Variants in DNAH2 observed in about 807,000 individuals in gnomAD.
DNAH2 encodes the protein axonemal beta dynein heavy chain 2.
A neutral mutation model predicts 523.5 loss-of-function variants in DNAH2; 323 were observed. The observed-to-expected ratio is 0.62, with a 90% CI of 0.56 to 0.68. The LOEUF (loss-of-function observed/expected upper bound fraction) is 0.68. Ranked by LOEUF, DNAH2 falls within the 30% of genes least tolerant of loss-of-function variation. The pLI, the probability that DNAH2 is intolerant of heterozygous loss-of-function variation, is 0.00. For missense variants in DNAH2, 4,907 were observed against 5,701.5 expected, an observed-to-expected ratio of 0.86 and a Z score of 4.49; for synonymous variants, 2,093 against 2,177.4, an observed-to-expected ratio of 0.96 and a Z score of 1.08.
chr17:7,819,576 G>A (rs1205089743), intron 72 of DNAH2, among the ~76,000 whole-genome samples, 168 bp downstream of exon 72: 1 of 152,242 alleles, frequency 6.6e-6, no homozygotes, highest in Non-Finnish European at 1.5e-5. Context: ...TCACCTGTGG[G>A]CTGATGATTC....
rs1567711198 is a variant in DNAH2 at position 7,794,285 on chromosome 17, CT to C, written c.7602del (p.Gly2536ValfsTer19). The C allele has an allele frequency of 3.1e-6, 5 of 1,609,902 alleles. No individual in the cohort carries two copies. The highest frequency in any genetic ancestry group is 2.3e-5 in the East Asian group (1 of 44,266). The part of the protein sequence containing the change: ...EMFLMAAMGP[P>X]GGGRTVISPR... ...TTCCTGATGGCTGCCATGGGCCCCC[CT>C]GGGGGTGGACGGACTGTCATCTCCC... On this transcript the variant is annotated frameshift_variant, in exon 49 of 86. Transcript: ENST00000572933. LOFTEE classifies it high-confidence loss of function.
intron 22 of DNAH2, 25 bp downstream of exon 22, chr17:7,766,506 T>C (rs187505829): frequency 1.2e-6 from 2 of 1,610,572 alleles, no homozygotes; most frequent in East Asian, 4.5e-5. Flanking sequence ...AAGGACCCTG[T>C]GGTCACTGTC....
chr17:7,765,710 A>C (rs1419601742), intron 21 of DNAH2, 145 bp downstream of exon 21: 1 of 855,790 alleles, frequency 1.2e-6, no homozygotes, highest in Non-Finnish European at 1.8e-6. Context: ...TCAGGAGCAA[A>C]GGAGGAGGAC....
chr17:7,757,358 C>CAAA (rs200641531), intron 13 of DNAH2, 121 bp downstream of exon 13: 187 of 1,039,394 alleles, frequency 1.8e-4, no homozygotes, highest in African/African-American at 1.1e-3. Context: ...TTTTCCATCT[C>CAAA]AAAAAAAAAA....
At chr17:7,771,176 C>A (rs2076304117) in intron 27 of DNAH2, among the ~76,000 whole-genome samples, 154 bp from the exon 28 acceptor site, 1 of 152,130 alleles carries the variant, frequency 6.6e-6, no homozygotes, top group South Asian at 2.1e-4. Flanking sequence ...GGCCCCCTAC[C>A]TCCAGCTTTC....
intron 2 of DNAH2, among the ~76,000 whole-genome samples, chr17:7,722,868 G>C (rs571567535): frequency 7.2e-5 from 11 of 151,964 alleles, no homozygotes; most frequent in African/African-American, 2.7e-4. Context: ...CTCTCTTTGA[G>C]TCCTTGCTTT....
At chr17:7,818,490 T>G in intron 69 of DNAH2, 30 bp downstream of exon 69, 2 of 1,612,254 alleles carry the variant, frequency 1.2e-6, no homozygotes, top group Non-Finnish European at 1.7e-6. Flanking sequence ...CAGACTGAGC[T>G]AGGGTGAAGC....
At chr17:7,805,228 T>C in intron 60 of DNAH2, 24 bp from the exon 61 acceptor site, 2 of 1,613,428 alleles carry the variant, frequency 1.2e-6, no homozygotes, top group Admixed American at 3.3e-5. Flanking sequence ...TGTCTTACCC[T>C]CACTTTATCC....
chr17:7,789,012 A>G (rs2076822279), intron 44 of DNAH2, among the ~76,000 whole-genome samples: 2 of 152,160 alleles, frequency 1.3e-5, no homozygotes. Context: ...TAAAAATACA[A>G]AATTAGCCAG....
chr17:7,815,610 A>G (rs2077640700), intron 63 of DNAH2, among the ~76,000 whole-genome samples: 1 of 151,394 alleles, frequency 6.6e-6, no homozygotes, highest in Non-Finnish European at 1.5e-5. Context: ...ACATACACAT[A>G]CAGGATCACA....
At position 7,780,539 on chromosome 17, in the gene DNAH2, G is replaced by A. The variant is rs142115772; in HGVS notation, c.5851-91G>A. ...TGCCTCCTAGCTGCTTCATGTCCTG[G>A]GACCTGGCTTCTTGTCTCTGACTGT... On this transcript the variant is annotated intron_variant, in intron 37 of 85. Coordinates refer to ENST00000572933, the MANE Select transcript of DNAH2 (RefSeq NM_020877.5). This position sits in a 1 kb window ranked among gnomAD's most constrained non-coding sequence, Gnocchi z 4.4. The A allele has an allele frequency of 2.5e-4, 386 of 1,559,390 alleles. No homozygotes were observed. In the African/African-American group the frequency reaches 4.2e-3, roughly 17 times the overall value.
chr17:7,756,420 C>T (rs2075839835), intron 12 of DNAH2, among the ~76,000 whole-genome samples: 1 of 151,664 alleles, frequency 6.6e-6, no homozygotes, highest in Non-Finnish European at 1.5e-5. Context: ...GGACTATAGG[C>T]TCACACTACC....
At position 7,788,976 on chromosome 17, in the gene DNAH2, C is replaced by T. The variant is rs901225342; in HGVS notation, c.6900+732C>T. ...GGTCAGGAGTTCGAGACCAGCCTGGCCAACATGGTGAAACCCTGTCTCTAC... is the reference window on the plus strand; with the variant it reads ...GGTCAGGAGTTCGAGACCAGCCTGGTCAACATGGTGAAACCCTGTCTCTAC... On this transcript the variant is annotated intron_variant, in intron 44 of 85. Coordinates refer to ENST00000572933, the MANE Select transcript of DNAH2 (RefSeq NM_020877.5). 9.2e-5 allele frequency among the ~76,000 whole-genome samples: 14 copies of T among 152,188 alleles called. No homozygotes were observed. The South Asian group carries it at 2.9e-3, about 32-fold the overall frequency.
At chr17:7,829,082 G>T (rs1159790719) in intron 77 of DNAH2, among the ~76,000 whole-genome samples, 1 of 151,566 alleles carries the variant, frequency 6.6e-6, no homozygotes, top group Non-Finnish European at 1.5e-5. Context: ...CTAGAGTGCA[G>T]TGGCGCTCTG....
At chr17:7,824,441 GC>G (rs1213599455) in intron 76 of DNAH2, 95 bp from the exon 77 acceptor site, 41 of 1,396,280 alleles carry the variant, frequency 2.9e-5, no homozygotes, top group South Asian at 6.5e-5. Flanking sequence ...TTAGTGTTAG[GC>G]CCCCCCAGCA....
chr17:7,793,365 G>A (rs1044980685), intron 48 of DNAH2, among the ~76,000 whole-genome samples, 160 bp downstream of exon 48: 2 of 152,000 alleles, frequency 1.3e-5, no homozygotes, highest in Non-Finnish European at 2.9e-5. Context: ...CCCCACTCAC[G>A]AGCCAGGCAT....
rs563810861 is a variant in DNAH2 at position 7,774,976 on chromosome 17, G to A, written c.4719G>A (p.Lys1573=). The A allele has an allele frequency of 1.7e-5, 28 of 1,613,510 alleles. No homozygotes were observed. Among genetic ancestry groups the A allele is most frequent in the African/African-American group, 1.6e-4 (12 of 75,024 alleles). Reference sequence around the variant, plus strand: ...ACATCAAGTTGCTGAGAATCCAGAAGGTCAGTAGAAGTGGCCACAGTGAGA... The same window carrying A: ...ACATCAAGTTGCTGAGAATCCAGAAAGTCAGTAGAAGTGGCCACAGTGAGA... ...FDNIKLLRIQ[K]VGGPSSKWEA... is the part of the protein sequence containing the mutation. The change falls in exon 29 of 86, where the codon AAG becomes AAA. Residue 1573 remains lysine (K), a splice_region_variant and synonymous_variant. Coordinates refer to ENST00000572933, the MANE Select transcript of DNAH2 (RefSeq NM_020877.5).
At position 7,831,003 on chromosome 17, in the gene DNAH2, G is replaced by A. The variant is rs1597799497; in HGVS notation, c.12231-83G>A. 1 of 1,515,484 alleles carries A rather than the reference G, an allele frequency of 6.6e-7. No individual in the cohort carries two copies. Among genetic ancestry groups the A allele is most frequent in the Admixed American group, 1.7e-5 (1 of 58,764 alleles). 93.9% of individuals were successfully genotyped at this position (1,515,484 alleles called of 1,614,324 possible). A position where few individuals can be genotyped will look rare whatever the true frequency, so the allele number is the denominator to read the frequency against. On this transcript the variant is annotated intron_variant, in intron 79 of 85. Coordinates refer to ENST00000572933, the MANE Select transcript of DNAH2 (RefSeq NM_020877.5). The surrounding 1 kb of genome is among the most constrained non-coding windows in gnomAD (Gnocchi z 4.2). ...GCAGGGCAGGGAGCTGGACAAATTGGACATGCATAGGTTTGGGGTCTTGGC... is the reference window on the plus strand; with the variant it reads ...GCAGGGCAGGGAGCTGGACAAATTGAACATGCATAGGTTTGGGGTCTTGGC...
chr17:7,810,058 C>CT lies in DNAH2; in HGVS notation c.9729+2480dup, dbSNP rs958468992. On this transcript the variant is annotated intron_variant, in intron 63 of 85. Transcript: ENST00000572933. ...CTTCCTTTTCTTCTTTCTTTTCTTT[C>CT]TTTTTTTTCTTTTTTTTTTTTTTGA... 2.8e-4 allele frequency among the ~76,000 whole-genome samples: 39 copies of CT among 141,030 alleles called. 1 individual carries two copies. Among genetic ancestry groups the CT allele is most frequent in the Non-Finnish European group, 7.8e-5 (5 of 64,058 alleles). 92.5% of individuals were successfully genotyped at this position (141,030 alleles called of 152,430 possible). A position where few individuals can be genotyped will look rare whatever the true frequency, so the allele number is the denominator to read the frequency against.
Sources: allele counts gnomAD v4.1 joint callset (sites outside exome capture counted in the v4.1 genomes callset), GRCh38; gene constraint gnomAD v4.1.1; non-coding constraint Gnocchi (gnomAD v3.1); transcripts MANE v1.5; gene names NCBI Gene and HGNC (gene_info 2026-07-23, HGNC 2026-07-21).